Variants in PELI2 observed in about 807,000 individuals in gnomAD.
The protein encoded by PELI2 is E3 ubiquitin-protein ligase pellino homolog 2.
In PELI2, 23 loss-of-function variants were observed where a neutral mutation model predicts 42.3. That is an observed-to-expected ratio of 0.54 (90% CI 0.39 to 0.77). The LOEUF is 0.77. PELI2 is among the 30% of genes least tolerant of loss of function. The pLI, the probability that PELI2 is intolerant of heterozygous loss-of-function variation, is 0.00. For synonymous variants in PELI2, 245 were observed against 212.2 expected (o/e 1.15, Z -1.34); for missense variants, 463 against 553.2 (o/e 0.84, Z 1.64).
intron 2 of PELI2, among the ~76,000 whole-genome samples, chr14:56,199,945 T>C (rs1241124228): frequency 1.3e-5 from 2 of 152,184 alleles, no homozygotes; most frequent in African/African-American, 4.8e-5. Context: ...GAAATTACCT[T>C]ACATGGATGG....
At chr14:56,271,283 T>C (rs767295677) in intron 2 of PELI2, among the ~76,000 whole-genome samples, 3 of 152,166 alleles carry the variant, frequency 2.0e-5, no homozygotes, top group Admixed American at 6.5e-5. Flanking sequence ...AACATAAATA[T>C]CAGAAGTTGT....
chr14:56,192,693 C>T (rs1885994144), intron 2 of PELI2, among the ~76,000 whole-genome samples: 2 of 152,148 alleles, frequency 1.3e-5, no homozygotes, highest in South Asian at 2.1e-4. Flanking sequence ...CACTCTGACC[C>T]GCAGTTTTCT....
At chr14:56,170,450 T>C (rs1484484513) in intron 1 of PELI2, among the ~76,000 whole-genome samples, 1 of 152,236 alleles carries the variant, frequency 6.6e-6, no homozygotes, top group African/African-American at 2.4e-5. Flanking sequence ...ATCTTTGCAC[T>C]GTATGCCAAA....
intron 2 of PELI2, among the ~76,000 whole-genome samples, chr14:56,248,404 A>G (rs933643217): frequency 1.9e-4 from 29 of 152,208 alleles, no homozygotes; most frequent in African/African-American, 6.7e-4. Flanking sequence ...ATTGAAGCAC[A>G]GAGAATTAAA....
At position 56,288,396 on chromosome 14, in the gene PELI2, C is replaced by A. The variant is rs759508769; in HGVS notation, c.310-41C>A. 56 of 1,484,936 alleles carry A rather than the reference C, an allele frequency of 3.8e-5. No homozygotes were observed. Among genetic ancestry groups the A allele is most frequent in the Non-Finnish European group, 4.9e-5 (52 of 1,067,090 alleles). 92.0% of individuals were successfully genotyped at this position (1,484,936 alleles called of 1,614,324 possible). Reference sequence around the variant, plus strand: ...CTTGTGAATAAAATACGGCACCCTGCTATTTTCCAAGTGAATCACGAGTAC... The same window carrying A: ...CTTGTGAATAAAATACGGCACCCTGATATTTTCCAAGTGAATCACGAGTAC... On this transcript the variant is annotated intron_variant, in intron 3 of 5. Transcript: ENST00000267460. The surrounding 1 kb of genome is among the most constrained non-coding windows in gnomAD (Gnocchi z 4.6).
At position 56,232,647 on chromosome 14, in the gene PELI2, G is replaced by A. The variant is rs1053985268; in HGVS notation, c.208-47029G>A. Among the ~76,000 whole-genome samples the A allele has an allele frequency of 7.9e-5, 12 of 151,656 alleles. No homozygotes were observed. In the East Asian group the frequency reaches 2.3e-3, roughly 29 times the overall value. Reference sequence around the variant, plus strand: ...GCTATTTATGACAAACCCCCAGCCAGTATCATACTGAATGGGCAAAAACTG... The same window carrying A: ...GCTATTTATGACAAACCCCCAGCCAATATCATACTGAATGGGCAAAAACTG... On this transcript the variant is annotated intron_variant, in intron 2 of 5. Transcript: ENST00000267460.
intron 3 of PELI2, among the ~76,000 whole-genome samples, chr14:56,285,948 AG>A (rs1407165497): frequency 1.3e-5 from 2 of 152,212 alleles, no homozygotes; most frequent in African/African-American, 4.8e-5. Context: ...ATACAGAATG[AG>A]ATAAGCATAC....
chr14:56,166,943 A>C (rs1256364108), intron 1 of PELI2, among the ~76,000 whole-genome samples: 1 of 151,930 alleles, frequency 6.6e-6, no homozygotes, highest in East Asian at 1.9e-4. Context: ...GCCTGCCACC[A>C]CGCCTGACTA....
intron 1 of PELI2, among the ~76,000 whole-genome samples, chr14:56,125,418 G>A (rs370593580): frequency 2.4e-5 from 2 of 83,114 alleles, no homozygotes; most frequent in East Asian, 3.1e-4. Context: ...GGGTGGGCAG[G>A]GGGGGGGTGA....
At chr14:56,218,760 G>C (rs1261019368) in intron 2 of PELI2, among the ~76,000 whole-genome samples, 1 of 152,168 alleles carries the variant, frequency 6.6e-6, no homozygotes, top group Non-Finnish European at 1.5e-5. Context: ...GGAATGAAGA[G>C]AGAGGATTTA....
At chr14:56,287,663 A>G (rs1422673207) in intron 3 of PELI2, among the ~76,000 whole-genome samples, 1 of 152,224 alleles carries the variant, frequency 6.6e-6, no homozygotes, top group African/African-American at 2.4e-5. Context: ...GTGATAAAAA[A>G]ACAAAAGAAA....
At chr14:56,138,722 G>T (rs781223379) in intron 1 of PELI2, among the ~76,000 whole-genome samples, 1 of 152,124 alleles carries the variant, frequency 6.6e-6, no homozygotes, top group African/African-American at 2.4e-5. Context: ...GACTATAACT[G>T]ACTTATGGCA....
intron 1 of PELI2, among the ~76,000 whole-genome samples, chr14:56,141,657 A>G (rs2139604436): frequency 6.6e-6 from 1 of 152,242 alleles, no homozygotes; most frequent in East Asian, 1.9e-4. Flanking sequence ...CGGGAGAGAG[A>G]GTGAGGCAAG....
intron 2 of PELI2, among the ~76,000 whole-genome samples, chr14:56,257,321 A>C (rs1888560016): frequency 6.6e-6 from 1 of 152,220 alleles, no homozygotes; most frequent in Admixed American, 6.5e-5. Flanking sequence ...AGTAAAATAA[A>C]CAACAACTAG....
rs1387779533 is a variant in PELI2, at chr14:56,292,746, C to G, written c.696+2290C>G. 8 of 975,822 alleles carry G rather than the reference C, an allele frequency of 8.2e-6. No homozygotes were observed. In the South Asian group the frequency reaches 2.4e-4, roughly 29 times the overall value. The allele number at this position is 975,822 out of a possible 1,614,324, so 60.4% of individuals were successfully genotyped here. Reference sequence around the variant, plus strand: ...AATGATGGAACCTCAGAACTGTGTACTAATCAACAAAATTAATTAAATATG... The same window carrying G: ...AATGATGGAACCTCAGAACTGTGTAGTAATCAACAAAATTAATTAAATATG... On this transcript the variant is annotated intron_variant, in intron 5 of 5. Coordinates refer to ENST00000267460, the MANE Select transcript of PELI2 (RefSeq NM_021255.3).
At chr14:56,154,609 T>A (rs150734718) in intron 1 of PELI2, among the ~76,000 whole-genome samples, 1 of 152,240 alleles carries the variant, frequency 6.6e-6, no homozygotes. Context: ...TTTTCCCTTA[T>A]AAATTGCCCA....
chr14:56,263,780 A>C (rs2139841520), intron 2 of PELI2, among the ~76,000 whole-genome samples: 1 of 152,340 alleles, frequency 6.6e-6, no homozygotes, highest in Middle Eastern at 3.4e-3. Flanking sequence ...GGGTGCAAAC[A>C]TTTTTATAGT....
At chr14:56,268,703 T>G (rs755723004) in intron 2 of PELI2, among the ~76,000 whole-genome samples, 1 of 152,158 alleles carries the variant, frequency 6.6e-6, no homozygotes, top group Non-Finnish European at 1.5e-5. Context: ...AGTGTGGCCC[T>G]CCCTACCTTT....
Position 56,221,912 on chromosome 14 carries a change from C to T in PELI2, c.207+43448C>T, listed in dbSNP as rs192156264. Reference sequence around the variant, plus strand: ...TACGTATCCTGATAACATGTGACAGCCACGAGAGGAACTCCATGAAGTTTA... The same window carrying T: ...TACGTATCCTGATAACATGTGACAGTCACGAGAGGAACTCCATGAAGTTTA... On this transcript the variant is annotated intron_variant, in intron 2 of 5. Coordinates refer to ENST00000267460, the MANE Select transcript of PELI2 (RefSeq NM_021255.3). 2.7e-3 allele frequency among the ~76,000 whole-genome samples: 416 copies of T among 152,282 alleles called. 1 individual carries two copies. The highest frequency in any genetic ancestry group is 7.3e-3 in the Admixed American group (112 of 15,304).
Sources: allele counts gnomAD v4.1 joint callset (sites outside exome capture counted in the v4.1 genomes callset), GRCh38; gene constraint gnomAD v4.1.1; non-coding constraint Gnocchi (gnomAD v3.1); transcripts MANE v1.5; gene names NCBI Gene and HGNC (gene_info 2026-07-23, HGNC 2026-07-21).